CAMTA1: variants seen among roughly 807,000 people sequenced by gnomAD.
CAMTA1 encodes calmodulin binding transcription activator 1.
Under a neutral mutation model 170.9 loss-of-function variants are expected in CAMTA1, and 27 were observed. That is an observed-to-expected ratio of 0.16 (90% CI 0.12 to 0.22). The LOEUF (loss-of-function observed/expected upper bound fraction) is 0.22, where lower values mean the gene tolerates loss of function less well. Ranked by LOEUF, CAMTA1 falls within the 10% of genes least tolerant of loss-of-function variation. The pLI is 1.00. For missense variants in CAMTA1, 1,619 were observed against 2,217.2 expected (o/e 0.73, Z 5.42); for synonymous variants, 833 against 891.5 (o/e 0.93, Z 1.17).
At chr1:6,850,829 A>C (rs1178705274) in intron 3 of CAMTA1, among the ~76,000 whole-genome samples, 1 of 152,214 alleles carries the variant, frequency 6.6e-6, no homozygotes, top group East Asian at 1.9e-4. Flanking sequence ...GGCTCAGATC[A>C]GGGAGCAGGA....
chr1:6,850,399 G>C (rs1005234407), intron 3 of CAMTA1, among the ~76,000 whole-genome samples: 1 of 152,162 alleles, frequency 6.6e-6, no homozygotes, highest in African/African-American at 2.4e-5. Flanking sequence ...GGTTAAGTAG[G>C]ACTCATTGAA....
At chr1:6,904,062 A>G (rs904187085) in intron 3 of CAMTA1, among the ~76,000 whole-genome samples, 10 of 152,134 alleles carry the variant, frequency 6.6e-5, no homozygotes, top group African/African-American at 2.4e-4. Context: ...ATGTGCTGCC[A>G]TTCTCATTTT....
intron 5 of CAMTA1, among the ~76,000 whole-genome samples, chr1:7,327,024 C>A (rs2082724701): frequency 6.6e-6 from 1 of 152,078 alleles, no homozygotes; most frequent in Admixed American, 6.5e-5. Flanking sequence ...ATTCAAAGAG[C>A]CCTGAGAACT....
In CAMTA1 at chr1:7,585,008, T is replaced by C. The variant is rs910692288; in HGVS notation, c.511-55392T>C. ...GGTACATAGACCATATATTATGTAATGTCCCCGGCGGGATGTGGAGTAGCA... is the reference window on the plus strand; with the variant it reads ...GGTACATAGACCATATATTATGTAACGTCCCCGGCGGGATGTGGAGTAGCA... On this transcript the variant is annotated intron_variant, in intron 6 of 22. Coordinates refer to ENST00000303635, the MANE Select transcript of CAMTA1 (RefSeq NM_015215.4). This position sits in a 1 kb window ranked among gnomAD's most constrained non-coding sequence, Gnocchi z 4.8. Among the ~76,000 whole-genome samples, 2 of 152,226 alleles carry C rather than the reference T, an allele frequency of 1.3e-5. No individual in the cohort carries two copies. The highest frequency in any genetic ancestry group is 2.9e-5 in the Non-Finnish European group (2 of 68,040).
At chr1:7,175,593 A>G (rs1318575222) in intron 4 of CAMTA1, among the ~76,000 whole-genome samples, 1 of 152,266 alleles carries the variant, frequency 6.6e-6, no homozygotes, top group Non-Finnish European at 1.5e-5. Flanking sequence ...GGGGGGCTGC[A>G]GGCTGGGGAG....
chr1:6,887,768 C>T lies in CAMTA1; in HGVS notation c.234+62558C>T, dbSNP rs1487760469. 1 of 1,533,872 alleles carries T rather than the reference C, an allele frequency of 6.5e-7. No individual in the cohort carries two copies. The highest frequency in any genetic ancestry group is 8.7e-7 in the Non-Finnish European group (1 of 1,145,944). On this transcript the variant is annotated intron_variant, in intron 3 of 22. Transcript: ENST00000303635. The surrounding 1 kb of genome is among the most constrained non-coding windows in gnomAD (Gnocchi z 4.1). ...TGGCAGAATTCGTAGGGAGAGCTTT[C>T]CCATCCTGCCAGCCCCATGTCTGGC...
At chr1:7,461,381 C>T (rs767086586) in intron 5 of CAMTA1, among the ~76,000 whole-genome samples, 13 of 152,246 alleles carry the variant, frequency 8.5e-5, no homozygotes, top group African/African-American at 2.2e-4. Flanking sequence ...GTGGGAGCAT[C>T]GGTATAACTT....
intron 3 of CAMTA1, among the ~76,000 whole-genome samples, chr1:6,860,183 C>A (rs898561267): frequency 6.6e-6 from 1 of 152,180 alleles, no homozygotes; most frequent in Non-Finnish European, 1.5e-5. Context: ...CATGCCAATC[C>A]TATGAGTCAT....
At chr1:6,908,997 C>T (rs1199299331) in intron 3 of CAMTA1, among the ~76,000 whole-genome samples, 5 of 152,326 alleles carry the variant, frequency 3.3e-5, no homozygotes, top group East Asian at 1.9e-4. Context: ...AATAACATGG[C>T]GAAGTACAAT....
intron 10 of CAMTA1, among the ~76,000 whole-genome samples, chr1:7,671,805 T>C (rs2096062804): frequency 6.6e-6 from 1 of 152,088 alleles, no homozygotes; most frequent in South Asian, 2.1e-4. Context: ...CCCTGTCTGG[T>C]CAACTTGTCA....
intron 3 of CAMTA1, among the ~76,000 whole-genome samples, chr1:6,921,907 G>T (rs898606849): frequency 1.3e-5 from 2 of 152,182 alleles, no homozygotes; most frequent in African/African-American, 4.8e-5. Flanking sequence ...TTTGGGTGGG[G>T]ACACAGAGCC....
At chr1:7,233,781 G>C (rs570298791) in intron 4 of CAMTA1, among the ~76,000 whole-genome samples, 1 of 152,130 alleles carries the variant, frequency 6.6e-6, no homozygotes, top group Non-Finnish European at 1.5e-5. Context: ...TGGACGTGCA[G>C]TTCCCTTTGT....
At chr1:7,310,704 T>TC (rs748448606) in intron 5 of CAMTA1, among the ~76,000 whole-genome samples, 7,679 of 34,102 alleles carry the variant, frequency 0.23, 769 homozygotes, top group East Asian at 0.39. Context: ...CTCTCTCTCT[T>TC]TCTTTCTTTC....
chr1:6,791,811 G>T (rs984335793), intron 1 of CAMTA1, among the ~76,000 whole-genome samples: 1 of 152,048 alleles, frequency 6.6e-6, no homozygotes, highest in African/African-American at 2.4e-5. Context: ...AGGTTGATCC[G>T]ACTATCATAT....
chr1:6,978,865 C>T (rs1693936612), intron 3 of CAMTA1, among the ~76,000 whole-genome samples: 1 of 152,136 alleles, frequency 6.6e-6, no homozygotes, highest in African/African-American at 2.4e-5. Flanking sequence ...CTGAGCAGGA[C>T]ACCCTGGACC....
rs528684935 is a variant in CAMTA1 at position 7,221,450 on chromosome 1, A to G, written c.303-28041A>G. Among the ~76,000 whole-genome samples the G allele has an allele frequency of 3.3e-5, 5 of 152,214 alleles. No individual in the cohort carries two copies. In the East Asian group the frequency reaches 9.7e-4, roughly 30 times the overall value. On this transcript the variant is annotated intron_variant, in intron 4 of 22. Transcript: ENST00000303635. ...CGGCTTTTGGGTTTCCATAGTGTGC[A>G]TTAGCCTTTGAAGGCCTCCAGGAAG... is the stretch of plus-strand genomic sequence containing the variant.
In CAMTA1 at chr1:7,592,681, G is replaced by A. The variant is rs1353177737; in HGVS notation, c.511-47719G>A. Among the ~76,000 whole-genome samples, 3 of 152,146 alleles carry A rather than the reference G, an allele frequency of 2.0e-5. No individual in the cohort carries two copies. The highest frequency in any genetic ancestry group is 1.9e-4 in the East Asian group (1 of 5,144). Reference sequence around the variant, plus strand: ...CCTCTGGGAGGCTTTGGGTCAGGTCGGAAGCTTGTCTGTGCCCTGAACATA... The same window carrying A: ...CCTCTGGGAGGCTTTGGGTCAGGTCAGAAGCTTGTCTGTGCCCTGAACATA... On this transcript the variant is annotated intron_variant, in intron 6 of 22. Coordinates refer to ENST00000303635, the MANE Select transcript of CAMTA1 (RefSeq NM_015215.4). The surrounding 1 kb of genome is among the most constrained non-coding windows in gnomAD (Gnocchi z 4.6).
intron 11 of CAMTA1, among the ~76,000 whole-genome samples, chr1:7,729,624 C>G (rs562947296): frequency 9.2e-5 from 14 of 152,210 alleles, no homozygotes; most frequent in Non-Finnish European, 1.5e-4. Flanking sequence ...TCCCATCACC[C>G]TTCCTTCTTC....
At chr1:7,305,447 C>G (rs1482804742) in intron 5 of CAMTA1, among the ~76,000 whole-genome samples, 3 of 152,084 alleles carry the variant, frequency 2.0e-5, no homozygotes, top group Admixed American at 6.5e-5. Context: ...CCTTACCTTA[C>G]CCTGAAACCT....
Sources: allele counts gnomAD v4.1 joint callset (sites outside exome capture counted in the v4.1 genomes callset), GRCh38; gene constraint gnomAD v4.1.1; non-coding constraint Gnocchi (gnomAD v3.1); transcripts MANE v1.5; gene names NCBI Gene and HGNC (gene_info 2026-07-23, HGNC 2026-07-21).